Variants in NCOR1 observed in about 807,000 individuals in gnomAD.
NCOR1 encodes the protein nuclear receptor corepressor 1, also known as protein phosphatase 1, regulatory subunit 109.
NCOR1 carries 63 observed loss-of-function variants against 288.1 expected under a neutral mutation model. The ratio of observed to expected loss-of-function variants is 0.22; its 90% CI spans 0.18 to 0.27. The LOEUF is 0.27. Ranked by LOEUF, NCOR1 falls within the 10% of genes least tolerant of loss-of-function variation. The pLI, the probability that NCOR1 is intolerant of heterozygous loss-of-function variation, is 1.00. For missense variants in NCOR1, 2,397 were observed against 3,019.2 expected (o/e 0.79, Z 4.83); for synonymous variants, 1,007 against 1,065.9 (o/e 0.94, Z 1.08).
intron 1 of NCOR1, among the ~76,000 whole-genome samples, chr17:16,207,469 C>T (rs1007205202): frequency 6.6e-6 from 1 of 152,128 alleles, no homozygotes; most frequent in African/African-American, 2.4e-5. Flanking sequence ...TGGCGGGGCG[C>T]AGTGGCTCAC....
At chr17:16,172,717 A>C (rs901114429) in intron 3 of NCOR1, among the ~76,000 whole-genome samples, 1 of 152,184 alleles carries the variant, frequency 6.6e-6, no homozygotes, top group African/African-American at 2.4e-5. Context: ...AGCTTCCCTA[A>C]ATACATGACT....
intron 15 of NCOR1, among the ~76,000 whole-genome samples, chr17:16,123,882 T>C (rs73280256): frequency 0.031 from 4,738 of 152,288 alleles, 245 homozygotes; most frequent in African/African-American, 0.11. Context: ...AATCATGAAC[T>C]ACCTGGGAAT....
intron 32 of NCOR1, 71 bp from the exon 33 acceptor site, chr17:16,065,765 C>T: frequency 7.3e-7 from 1 of 1,368,524 alleles, no homozygotes; most frequent in Admixed American, 1.8e-5. Flanking sequence ...ACACCACGTA[C>T]AAAAGAGTAG....
At chr17:16,092,662 TATATATATATATATATATATA>T (rs2065425126) in intron 21 of NCOR1, among the ~76,000 whole-genome samples, 1 of 9,598 alleles carries the variant, frequency 1.0e-4, no homozygotes, top group Admixed American at 9.9e-4. Context: ...TATATATATA[TATATATATATATATATATATA>T]TATATATATA....
chr17:16,181,812 G>A (rs569044135), intron 3 of NCOR1, among the ~76,000 whole-genome samples: 51 of 152,074 alleles, frequency 3.4e-4, no homozygotes, highest in Non-Finnish European at 6.0e-4. Context: ...GGCAACCTCT[G>A]TCCTAGATAA....
intron 3 of NCOR1, among the ~76,000 whole-genome samples, chr17:16,173,062 C>A (rs13339686): frequency 0.01 from 1,574 of 152,186 alleles, 29 homozygotes; most frequent in African/African-American, 0.035. Flanking sequence ...TCCCCGGTAG[C>A]TGGGATTACA....
intron 1 of NCOR1, among the ~76,000 whole-genome samples, chr17:16,202,846 G>A (rs138043085): frequency 2.5e-4 from 38 of 152,132 alleles, no homozygotes; most frequent in African/African-American, 7.2e-4. Flanking sequence ...CAGCACCCCC[G>A]AGCTCCATAA....
At chr17:16,169,575 A>T (rs2082719251) in intron 4 of NCOR1, among the ~76,000 whole-genome samples, 1 of 152,144 alleles carries the variant, frequency 6.6e-6, no homozygotes, top group Admixed American at 6.6e-5. Flanking sequence ...CATGGTTTAC[A>T]CTTTAGGGGA....
chr17:16,118,872 G>A (rs2072350769), intron 17 of NCOR1, among the ~76,000 whole-genome samples: 1 of 152,172 alleles, frequency 6.6e-6, no homozygotes, highest in South Asian at 2.1e-4. Context: ...AAGTGCCAGA[G>A]TAAGAGGAAG....
chr17:16,121,339 T>C, intron 15 of NCOR1, 70 bp from the exon 16 acceptor site: 1 of 1,280,616 alleles, frequency 7.8e-7, no homozygotes, highest in African/African-American at 1.5e-5. Flanking sequence ...GTTTTAGTTT[T>C]GAATATTATC....
intron 20 of NCOR1, among the ~76,000 whole-genome samples, chr17:16,099,145 C>T (rs2067160112): frequency 6.6e-6 from 1 of 152,220 alleles, no homozygotes; most frequent in Admixed American, 6.5e-5. Flanking sequence ...ATGCATCCAG[C>T]AGCCGCCACC....
chr17:16,071,023 G>C (rs558855029), intron 30 of NCOR1, among the ~76,000 whole-genome samples: 125 of 152,242 alleles, frequency 8.2e-4, no homozygotes, highest in African/African-American at 3.0e-3. Context: ...GCTCACGCCT[G>C]TGATCCCAGC....
At position 16,095,730 on chromosome 17, in the gene NCOR1, C is replaced by T. The variant is rs1303539073; in HGVS notation, c.2820+2637G>A. Among the ~76,000 whole-genome samples, 23 of 132,048 alleles carry T rather than the reference C, an allele frequency of 1.7e-4. 1 individual carries two copies. The highest frequency in any genetic ancestry group is 5.9e-4 in the African/African-American group (21 of 35,752). 86.6% of individuals were successfully genotyped at this position (132,048 alleles called of 152,430 possible). A position where few individuals can be genotyped will look rare whatever the true frequency, so the allele number is the denominator to read the frequency against. ...GGAGTCAGCCCCCCGCCCGGCCAGC[C>T]GCCCCGTCTGGGAGGTGAGGGGCGC... is the stretch of plus-strand genomic sequence containing the variant. On this transcript the variant is annotated intron_variant, in intron 21 of 45. Transcript: ENST00000268712.
chr17:16,109,740 A>ATTTTTCTC (rs2069602722), intron 18 of NCOR1, among the ~76,000 whole-genome samples: 1 of 150,996 alleles, frequency 6.6e-6, no homozygotes, highest in Admixed American at 6.6e-5. Flanking sequence ...CACTCAATTT[A>ATTTTTCTC]TTTTTCTTTT....
At chr17:16,046,801 A>G (rs1409946468) in intron 42 of NCOR1, 150 bp downstream of exon 42, 1 of 865,658 alleles carries the variant, frequency 1.2e-6, no homozygotes, top group Middle Eastern at 3.5e-4. Flanking sequence ...ATGGGCTGGC[A>G]GACACTTGAG....
At chr17:16,032,666 T>C (rs146423077) in intron 45 of NCOR1, among the ~76,000 whole-genome samples, 183 bp from the exon 46 acceptor site, 9 of 152,300 alleles carry the variant, frequency 5.9e-5, no homozygotes, top group East Asian at 1.9e-4. Context: ...CAATGATATA[T>C]AGCAGTCAGT....
intron 2 of NCOR1, 28 bp downstream of exon 2, chr17:16,194,434 T>C: frequency 2.8e-6 from 4 of 1,431,800 alleles, no homozygotes; most frequent in Non-Finnish European, 3.9e-6. Flanking sequence ...AAAAAACATG[T>C]GCAATTTGCA....
intron 8 of NCOR1, among the ~76,000 whole-genome samples, chr17:16,151,397 G>T (rs1389352525): frequency 2.6e-5 from 4 of 152,024 alleles, no homozygotes; most frequent in Admixed American, 2.6e-4. Context: ...CGCTTCCAAG[G>T]CACCAGGACA....
chr17:16,064,899 C>G lies in NCOR1; in HGVS notation c.5072G>C (p.Arg1691Thr), dbSNP rs1180818794. The change falls in exon 34 of 46, where the codon AGG becomes ACG. Residue 1691 changes from arginine (R) to threonine (T), a missense_variant. Around this residue, in one of 11 missense-constraint regions of NCOR1, gnomAD observed 1,872 missense variants for 2,187.8 expected, o/e 0.86. Coordinates refer to ENST00000268712, the MANE Select transcript of NCOR1 (RefSeq NM_006311.4). ...IPGTQITFPP[R>T]PYNSASMSPG... Reference sequence around the variant, plus strand: ...AGACATGGAAGCAGAGTTGTACGGCCTGGGAGGGAAAGTAATCTGTGTACC... The same window carrying G: ...AGACATGGAAGCAGAGTTGTACGGCGTGGGAGGGAAAGTAATCTGTGTACC... The G allele has an allele frequency of 3.7e-6, 6 of 1,612,932 alleles. No individual in the cohort carries two copies. The African/African-American group carries it at 6.7e-5, about 18-fold the overall frequency.
Sources: gnomAD v4.1 joint callset for allele counts (sites outside exome capture counted in the v4.1 genomes callset) on GRCh38, gnomAD v4.1.1 for gene constraint, gnomAD v4.1.1 regional missense constraint, MANE v1.5 for transcripts, NCBI Gene and HGNC (gene_info 2026-07-23, HGNC 2026-07-21) for gene names.